CACNA1G: variants seen among roughly 807,000 people sequenced by gnomAD.
The protein encoded by CACNA1G is voltage-dependent T-type calcium channel subunit alpha-1G.
In CACNA1G, 67 loss-of-function variants were observed where a neutral mutation model predicts 219.4. That is an observed-to-expected ratio of 0.31 (90% CI 0.25 to 0.37). The LOEUF (loss-of-function observed/expected upper bound fraction) is 0.37, where lower values mean the gene tolerates loss of function less well. CACNA1G is among the 10% of genes least tolerant of loss of function. The pLI is 1.00. For missense variants in CACNA1G, 2,380 were observed against 3,231.4 expected (o/e 0.74, Z 6.39); for synonymous variants, 1,296 against 1,345.3 (o/e 0.96, Z 0.80).
chr17:50,621,909 G>A lies in CACNA1G; in HGVS notation c.6060+115G>A. The A allele has an allele frequency of 8.5e-7, 1 of 1,172,604 alleles. No homozygotes were observed. Among genetic ancestry groups the A allele is most frequent in the Non-Finnish European group, 1.2e-6 (1 of 822,404 alleles). The allele number at this position is 1,172,604 out of a possible 1,614,324, so 72.6% of individuals were successfully genotyped here. A position where few individuals can be genotyped will look rare whatever the true frequency, so the allele number is the denominator to read the frequency against. On this transcript the variant is annotated intron_variant, in intron 35 of 37. Coordinates refer to ENST00000359106, the MANE Select transcript of CACNA1G (RefSeq NM_018896.5). The surrounding 1 kb of genome is among the most constrained non-coding windows in gnomAD (Gnocchi z 4.6). ...CCGCCTCCTCTCAGTTTGCTGCCAG[G>A]CTCCACCCAGAGGCATCAACTGTCA...
At chr17:50,601,436 G>T (rs1331954270) in intron 19 of CACNA1G, among the ~76,000 whole-genome samples, 2 of 152,226 alleles carry the variant, frequency 1.3e-5, no homozygotes, top group Non-Finnish European at 2.9e-5. Context: ...ATGAGCCAGA[G>T]CCTTGTGGGG....
In CACNA1G at chr17:50,600,100, T is replaced by C. The variant is rs2046324486; in HGVS notation, c.3690+241T>C. Among the ~76,000 whole-genome samples, 1 of 152,194 alleles carries C rather than the reference T, an allele frequency of 6.6e-6. No individual in the cohort carries two copies. Among genetic ancestry groups the C allele is most frequent in the Admixed American group, 6.5e-5 (1 of 15,282 alleles). On this transcript the variant is annotated intron_variant, in intron 17 of 37. Coordinates refer to ENST00000359106, the MANE Select transcript of CACNA1G (RefSeq NM_018896.5). The surrounding 1 kb of genome is among the most constrained non-coding windows in gnomAD (Gnocchi z 4.1). ...CACCCTTGGTGGATATGAATGATTT[T>C]GGACAGATGTGTATGAATCTTTCAT...
intron 9 of CACNA1G, among the ~76,000 whole-genome samples, chr17:50,587,318 C>G (rs2043191737): frequency 6.6e-6 from 1 of 152,172 alleles, no homozygotes; most frequent in African/African-American, 2.4e-5. Flanking sequence ...TCACAGCCCT[C>G]CCTCGTTTGT....
In CACNA1G at chr17:50,619,767, C is replaced by A. The variant is rs768563197; in HGVS notation, c.5866C>A (p.Pro1956Thr). Residue 1956 changes from proline to threonine, a missense_variant, in exon 34 of 38, where the codon CCA becomes ACA. By Grantham distance (38) the Pro-to-Thr change is conservative. Coordinates refer to ENST00000359106, the MANE Select transcript of CACNA1G (RefSeq NM_018896.5). Reference protein sequence around the residue: ...ELKLMDELAGPGGQPSAFPSA... With the variant: ...ELKLMDELAGTGGQPSAFPSA... ...GAAGCTGATGGACGAGCTGGCAGGC[C>A]CAGGGGGCCAGCCCTCTGCCTTCCC... The A allele has an allele frequency of 3.7e-6, 6 of 1,607,958 alleles. No homozygotes were observed. In the African/African-American group the frequency reaches 6.7e-5, roughly 18 times the overall value.
At chr17:50,605,785 C>A in intron 22 of CACNA1G, 113 bp from the exon 23 acceptor site, 1 of 1,119,960 alleles carries the variant, frequency 8.9e-7, no homozygotes, top group Non-Finnish European at 1.3e-6. Flanking sequence ...CAGAGCAGAG[C>A]ACCCCACACT....
At position 50,608,037 on chromosome 17, in the gene CACNA1G, G is replaced by T; in HGVS notation, c.4705+18G>T. 1 of 1,587,250 alleles carries T rather than the reference G, an allele frequency of 6.3e-7. No homozygotes were observed. ...GAGAAGGAGTAAGGAGAAGCAGATG[G>T]CTGGTCGGTAGTCTTTCCACCTCTC... On this transcript the variant is annotated intron_variant, in intron 25 of 37. Coordinates refer to ENST00000359106, the MANE Select transcript of CACNA1G (RefSeq NM_018896.5).
chr17:50,620,120 A>C (rs8079740), intron 34 of CACNA1G, among the ~76,000 whole-genome samples: 37 of 150,824 alleles, frequency 2.5e-4, no homozygotes, highest in African/African-American at 8.8e-4. Flanking sequence ...AAGAGAAAAG[A>C]GGGGATGGGG....
intron 26 of CACNA1G, among the ~76,000 whole-genome samples, chr17:50,611,794 A>G (rs1263438922): frequency 6.6e-6 from 1 of 152,186 alleles, no homozygotes; most frequent in Non-Finnish European, 1.5e-5. Context: ...GTGTTATCCC[A>G]GAAATCAACA....
chr17:50,576,343 G>C lies in CACNA1G; in HGVS notation c.1924+17G>C. On this transcript the variant is annotated intron_variant, in intron 8 of 37. Coordinates refer to ENST00000359106, the MANE Select transcript of CACNA1G (RefSeq NM_018896.5). ...AGAGTACAGGTGAGAACTCTGGGTG[G>C]AGGCATGTGGGTGCCCTCGTCTGGG... 6.4e-7 allele frequency: 1 copy of C among 1,560,374 alleles called. No homozygotes were observed.
At chr17:50,565,147 A>G (rs966529007) in intron 1 of CACNA1G, among the ~76,000 whole-genome samples, 12 of 149,594 alleles carry the variant, frequency 8.0e-5, no homozygotes, top group East Asian at 2.0e-4. Flanking sequence ...ACACACGCGC[A>G]CACACACACA....
chr17:50,580,267 G>T (rs945742063), intron 9 of CACNA1G, among the ~76,000 whole-genome samples: 1 of 152,172 alleles, frequency 6.6e-6, no homozygotes, highest in Non-Finnish European at 1.5e-5. Flanking sequence ...TGGTGGCAGT[G>T]GGGGGTGGGC....
rs141801539 is a variant in CACNA1G, at chr17:50,620,980, C to A, written c.5926-680C>A. 1.7e-3 allele frequency among the ~76,000 whole-genome samples: 253 copies of A among 152,316 alleles called. 3 individuals are homozygous for A. Among genetic ancestry groups the A allele is most frequent in the African/African-American group, 5.2e-3 (218 of 41,574 alleles). ...GGCAACCCCCTGGGTCCCAGGTGAG[C>A]CAGCCAGATGGTGTGGCAGCCCACC... is the stretch of plus-strand genomic sequence containing the variant. On this transcript the variant is annotated intron_variant, in intron 34 of 37. Coordinates refer to ENST00000359106, the MANE Select transcript of CACNA1G (RefSeq NM_018896.5).
intron 9 of CACNA1G, among the ~76,000 whole-genome samples, chr17:50,587,202 G>A (rs538927986): frequency 1.3e-5 from 2 of 152,290 alleles, no homozygotes; most frequent in East Asian, 3.9e-4. Context: ...GAGATGTAGA[G>A]GGAGGCACAA....
chr17:50,600,125 T>A lies in CACNA1G; in HGVS notation c.3690+266T>A, dbSNP rs1030969221. ...TGGACAGATGTGTATGAATCTTTCA[T>A]GGCCCTCCCCCTGTGACTCAGAAAG... is the stretch of plus-strand genomic sequence containing the variant. On this transcript the variant is annotated intron_variant, in intron 17 of 37. Transcript: ENST00000359106. The surrounding 1 kb of genome is among the most constrained non-coding windows in gnomAD (Gnocchi z 4.1). Among the ~76,000 whole-genome samples, 3 of 152,200 alleles carry A rather than the reference T, an allele frequency of 2.0e-5. No individual in the cohort carries two copies. The highest frequency in any genetic ancestry group is 1.3e-4 in the Admixed American group (2 of 15,286).
Position 50,596,864 on chromosome 17 carries a change from C to A in CACNA1G, c.3199C>A (p.Arg1067Ser). ...GLGEALGPAS[R>S]RTSSSGSAEP... The stretch of plus-strand genomic sequence containing the variant: ...GGGCGAGGCGCTGGGCCCTGCGTCG[C>A]GCCGCACCAGCAGCAGCGGGTCGGC... Residue 1067 changes from arginine to serine, a missense_variant, in exon 16 of 38, where the codon CGC (arginine) becomes AGC (serine). Around this residue, in one of 17 missense-constraint regions of CACNA1G, gnomAD observed 418 missense variants for 434.3 expected, o/e 0.96. Coordinates refer to ENST00000359106, the MANE Select transcript of CACNA1G (RefSeq NM_018896.5). This position sits in a 1 kb window ranked among gnomAD's most constrained non-coding sequence, Gnocchi z 4.8. The A allele has an allele frequency of 6.3e-7, 1 of 1,595,322 alleles. No homozygotes were observed. Among genetic ancestry groups the A allele is most frequent in the East Asian group, 2.3e-5 (1 of 43,970 alleles).
At position 50,621,353 on chromosome 17, in the gene CACNA1G, C is replaced by T. The variant is rs2051957102; in HGVS notation, c.5926-307C>T. On this transcript the variant is annotated intron_variant, in intron 34 of 37. Transcript: ENST00000359106. The surrounding 1 kb of genome is among the most constrained non-coding windows in gnomAD (Gnocchi z 4.6). ...CTGGGTGGTGGTAGTGTGGGAGGGG[C>T]TGGGGAGGCTCCTGGGGTATCTTTA... 6.6e-6 allele frequency among the ~76,000 whole-genome samples: 1 copy of T among 151,492 alleles called. No homozygotes were observed. The highest frequency in any genetic ancestry group is 6.6e-5 in the Admixed American group (1 of 15,210).
intron 5 of CACNA1G, among the ~76,000 whole-genome samples, 159 bp from the exon 6 acceptor site, chr17:50,572,395 G>A (rs2039653573): frequency 6.6e-6 from 1 of 152,044 alleles, no homozygotes; most frequent in South Asian, 2.1e-4. Context: ...TGCTCCTGGT[G>A]CCCACAAATC....
intron 9 of CACNA1G, among the ~76,000 whole-genome samples, chr17:50,581,642 G>A (rs1031146000): frequency 1.3e-5 from 2 of 152,236 alleles, no homozygotes; most frequent in African/African-American, 4.8e-5. Context: ...TCTGTCTCCT[G>A]CTTCCTCCAC....
chr17:50,591,304 G>T lies in CACNA1G; in HGVS notation c.2454-131G>T, dbSNP rs1252873586. ...GAGGCTCCTGCTTAGAGGTCTGGGGGCCCACCTGTGCCCCATTTTCTCTCG... is the reference window on the plus strand; with the variant it reads ...GAGGCTCCTGCTTAGAGGTCTGGGGTCCCACCTGTGCCCCATTTTCTCTCG... On this transcript the variant is annotated intron_variant, in intron 10 of 37. Coordinates refer to ENST00000359106, the MANE Select transcript of CACNA1G (RefSeq NM_018896.5). The T allele has an allele frequency of 8.1e-6, 7 of 861,568 alleles. No individual in the cohort carries two copies. In the South Asian group the frequency reaches 1.4e-4, roughly 18 times the overall value. The allele number at this position is 861,568 out of a possible 1,614,324, so 53.4% of individuals were successfully genotyped here.
Sources: gnomAD v4.1 joint callset for allele counts (sites outside exome capture counted in the v4.1 genomes callset) on GRCh38, gnomAD v4.1.1 for gene constraint, gnomAD v4.1.1 regional missense constraint, Gnocchi (gnomAD v3.1) non-coding constraint, MANE v1.5 for transcripts, NCBI Gene and HGNC (gene_info 2026-07-23, HGNC 2026-07-21) for gene names.